The following CSMD1 variants were observed in gnomAD, a reference collection of about 807,000 sequenced individuals.
CSMD1 encodes the protein CUB and Sushi multiple domains 1.
Under a neutral mutation model 417.5 loss-of-function variants are expected in CSMD1, and 213 were observed. The observed-to-expected ratio is 0.51, with a 90% CI of 0.46 to 0.57. The LOEUF (loss-of-function observed/expected upper bound fraction) is 0.57, where lower values mean the gene tolerates loss of function less well. CSMD1 is among the 20% of genes least tolerant of loss of function. CSMD1 has a pLI of 0.00. For synonymous variants in CSMD1, 2,862 were observed against 1,736.8 expected, an observed-to-expected ratio of 1.65 and a Z score of -16.11; for missense variants, 6,923 against 4,529.7, an observed-to-expected ratio of 1.53 and a Z score of -15.17.
intron 5 of CSMD1, among the ~76,000 whole-genome samples, chr8:3,807,819 A>G (rs1474769154): frequency 2.6e-5 from 4 of 152,172 alleles, no homozygotes; most frequent in Non-Finnish European, 5.9e-5. Flanking sequence ...ACCCTCACTG[A>G]GATCCTAGCA....
intron 39 of CSMD1, among the ~76,000 whole-genome samples, chr8:3,157,491 C>T (rs1427287614): frequency 6.6e-6 from 1 of 152,218 alleles, no homozygotes; most frequent in Admixed American, 6.5e-5. Flanking sequence ...CATCAGTAAT[C>T]TGTCATTCTG....
chr8:3,040,335 C>G lies in CSMD1; in HGVS notation c.7661-10822G>C, dbSNP rs896063366. Among the ~76,000 whole-genome samples, 7 of 148,788 alleles carry G rather than the reference C, an allele frequency of 4.7e-5. No homozygotes were observed. In the South Asian group the frequency reaches 1.5e-3, roughly 31 times the overall value. On this transcript the variant is annotated intron_variant, in intron 50 of 69. Transcript: ENST00000635120. ...CTTTAGTTTCTCAAATGGATTTTAA[C>G]TCTTATTGAGTGAAAGGGAAAATCA...
chr8:2,996,014 TA>T (rs1563217841), intron 54 of CSMD1, among the ~76,000 whole-genome samples: 1 of 152,128 alleles, frequency 6.6e-6, no homozygotes, highest in African/African-American at 2.4e-5. Flanking sequence ...TAATACCCTC[TA>T]AGTTTGCAAG....
chr8:2,954,144 T>C, intron 65 of CSMD1, 80 bp downstream of exon 65: 1 of 693,622 alleles, frequency 1.4e-6, no homozygotes, highest in Non-Finnish European at 2.3e-6. Context: ...AATTTAAATG[T>C]TGAAAATAGT....
intron 1 of CSMD1, among the ~76,000 whole-genome samples, chr8:4,822,293 G>C (rs765879446): frequency 6.6e-6 from 1 of 152,166 alleles, no homozygotes; most frequent in Non-Finnish European, 1.5e-5. Context: ...TAGGACACCA[G>C]ATACCACTGA....
At chr8:4,402,034 C>T (rs1040327964) in intron 3 of CSMD1, among the ~76,000 whole-genome samples, 2 of 152,124 alleles carry the variant, frequency 1.3e-5, no homozygotes, top group African/African-American at 4.8e-5. Context: ...TTCGTGGTGA[C>T]TTCACTATCC....
intron 26 of CSMD1, among the ~76,000 whole-genome samples, chr8:3,279,817 C>T (rs374041771): frequency 2.0e-5 from 3 of 152,104 alleles, no homozygotes; most frequent in Non-Finnish European, 2.9e-5. Context: ...ACCAACAGAT[C>T]TCATGAGACT....
chr8:3,219,368 C>G lies in CSMD1; in HGVS notation c.4559G>C (p.Ser1520Thr), dbSNP rs372624193. ...TTCTGGGGCCTGAGAGCCCTGGTAACTCCCAATGAGGGGGCTGTTGGAATC... is the reference window on the plus strand; with the variant it reads ...TTCTGGGGCCTGAGAGCCCTGGTAAGTCCCAATGAGGGGGCTGTTGGAATC... ...GEDSNSPLIGSYQGSQAPERI... is the reference protein window; with the variant it reads ...GEDSNSPLIGTYQGSQAPERI... Residue 1520 changes from serine (S) to threonine (T), a missense_variant, in exon 29 of 70, where the codon AGT becomes ACT. By Grantham distance (58) the Ser-to-Thr change is moderately conservative. Coordinates refer to ENST00000635120, the MANE Select transcript of CSMD1 (RefSeq NM_033225.6). 6.4e-6 allele frequency: 10 copies of G among 1,571,590 alleles called. No homozygotes were observed. Among genetic ancestry groups the G allele is most frequent in the African/African-American group, 1.4e-5 (1 of 73,956 alleles).
chr8:4,332,165 A>G (rs11992751), intron 3 of CSMD1, among the ~76,000 whole-genome samples: 3,306 of 152,242 alleles, frequency 0.022, 60 homozygotes, highest in Middle Eastern at 0.11. Context: ...GTCATGGAGC[A>G]AACACAACTG....
chr8:4,347,071 T>A (rs1277857459), intron 3 of CSMD1, among the ~76,000 whole-genome samples: 1 of 152,138 alleles, frequency 6.6e-6, no homozygotes, highest in African/African-American at 2.4e-5. Context: ...CCTTTGACCA[T>A]TTTTCTCCTA....
chr8:3,289,658 C>A (rs967437033), intron 25 of CSMD1, among the ~76,000 whole-genome samples: 1 of 142,328 alleles, frequency 7.0e-6, no homozygotes, highest in South Asian at 2.1e-4. Context: ...CCTTTGCCCA[C>A]TTTTTGATGG....
At chr8:3,271,684 T>C (rs914183410) in intron 26 of CSMD1, among the ~76,000 whole-genome samples, 1 of 152,256 alleles carries the variant, frequency 6.6e-6, no homozygotes, top group Admixed American at 6.5e-5. Context: ...TAGCCAGTGA[T>C]GATGAGCATT....
chr8:4,284,811 T>C lies in CSMD1; in HGVS notation c.415+135142A>G, dbSNP rs76901671. On this transcript the variant is annotated intron_variant, in intron 3 of 69. Transcript: ENST00000635120. ...ACCACACATATTTTACAAACTTCAATATATGTGGCCGTGTTCAAAAACAAA... is the reference window on the plus strand; with the variant it reads ...ACCACACATATTTTACAAACTTCAACATATGTGGCCGTGTTCAAAAACAAA... 3.1e-3 allele frequency among the ~76,000 whole-genome samples: 466 copies of C among 152,124 alleles called. 2 individuals carry two copies. The highest frequency in any genetic ancestry group is 0.011 in the African/African-American group (452 of 41,500).
intron 3 of CSMD1, among the ~76,000 whole-genome samples, chr8:4,366,018 C>A (rs114406196): frequency 6.6e-6 from 1 of 151,996 alleles, no homozygotes; most frequent in African/African-American, 2.4e-5. Flanking sequence ...TAGGAATGAG[C>A]CTGTCGCCCA....
At chr8:4,084,530 C>A (rs1221719074) in intron 3 of CSMD1, among the ~76,000 whole-genome samples, 2 of 152,118 alleles carry the variant, frequency 1.3e-5, no homozygotes, top group Admixed American at 6.6e-5. Context: ...TTCCTTACTT[C>A]CTCAAGGAAA....
At chr8:3,852,234 C>T (rs1017707750) in intron 5 of CSMD1, among the ~76,000 whole-genome samples, 12 of 152,134 alleles carry the variant, frequency 7.9e-5, no homozygotes, top group Admixed American at 6.5e-4. Context: ...CAGGAACATG[C>T]ACCAGATGTG....
At chr8:4,812,147 G>A (rs914599496) in intron 1 of CSMD1, among the ~76,000 whole-genome samples, 1 of 152,182 alleles carries the variant, frequency 6.6e-6, no homozygotes, top group African/African-American at 2.4e-5. Context: ...GCCCTTCTGT[G>A]AAGCTCACTG....
rs1014534440 is a variant in CSMD1, at chr8:3,288,484, A to G, written c.3951-4138T>C. On this transcript the variant is annotated intron_variant, in intron 25 of 69. Coordinates refer to ENST00000635120, the MANE Select transcript of CSMD1 (RefSeq NM_033225.6). ...TATTGCCTCAATTTCAGACCCTGTTATTGGTCTATTCAGAGATTCAACTTC... is the reference window on the plus strand; with the variant it reads ...TATTGCCTCAATTTCAGACCCTGTTGTTGGTCTATTCAGAGATTCAACTTC... Among the ~76,000 whole-genome samples the G allele has an allele frequency of 6.8e-5, 10 of 146,964 alleles. 1 individual carries two copies. The highest frequency in any genetic ancestry group is 1.2e-4 in the Non-Finnish European group (8 of 67,964).
intron 3 of CSMD1, among the ~76,000 whole-genome samples, chr8:4,418,338 G>A (rs1425587970): frequency 1.3e-5 from 2 of 152,004 alleles, no homozygotes; most frequent in Non-Finnish European, 1.5e-5. Flanking sequence ...TTCCAACATA[G>A]ACAATCTTGC....
Sources: allele counts gnomAD v4.1 joint callset (sites outside exome capture counted in the v4.1 genomes callset), GRCh38; gene constraint gnomAD v4.1.1; transcripts MANE v1.5; gene names NCBI Gene and HGNC (gene_info 2026-07-23, HGNC 2026-07-21).